The following EXOC4 variants were observed in gnomAD, a reference collection of about 807,000 sequenced individuals.
EXOC4 encodes SEC8-like 1.
In EXOC4, 71 loss-of-function variants were observed where a neutral mutation model predicts 107.2. The ratio of observed to expected loss-of-function variants is 0.66; its 90% CI spans 0.55 to 0.81. The LOEUF (loss-of-function observed/expected upper bound fraction) is 0.81, where lower values mean the gene tolerates loss of function less well. Among genes scored for constraint, EXOC4 ranks in the 30% least tolerant of loss-of-function variants. EXOC4 has a pLI of 0.00. For synonymous variants in EXOC4, 456 were observed against 441.2 expected (o/e 1.03, Z -0.42); for missense variants, 1,108 against 1,189.6 (o/e 0.93, Z 1.01).
Position 133,576,926 on chromosome 7 carries a change from T to G in EXOC4, c.1418-53119T>G, listed in dbSNP as rs148934492. On this transcript the variant is annotated intron_variant, in intron 9 of 17. Coordinates refer to ENST00000253861, the MANE Select transcript of EXOC4 (RefSeq NM_021807.4). ...GTTTGTTCTTGCTTTCCAGATCTCT[T>G]ATTCACTGCATGTGTGTATGTGGGT... The G allele has an allele frequency of 2.3e-3, 2,762 of 1,209,544 alleles. 56 individuals are homozygous for G. The Admixed American group carries it at 0.036, about 16-fold the overall frequency. 74.9% of individuals were successfully genotyped at this position (1,209,544 alleles called of 1,614,324 possible).
At chr7:133,796,205 C>A (rs971585737) in intron 10 of EXOC4, among the ~76,000 whole-genome samples, 1 of 152,128 alleles carries the variant, frequency 6.6e-6, no homozygotes, top group Admixed American at 6.5e-5. Flanking sequence ...TCTTTAAATT[C>A]TTAATAAGCT....
intron 9 of EXOC4, among the ~76,000 whole-genome samples, chr7:133,549,887 A>G (rs1418297884): frequency 6.6e-6 from 1 of 152,166 alleles, no homozygotes; most frequent in Non-Finnish European, 1.5e-5. Flanking sequence ...TGAAAGTATC[A>G]TCTGGCACAC....
chr7:134,029,950 C>G (rs938697363), intron 17 of EXOC4, among the ~76,000 whole-genome samples: 1 of 152,192 alleles, frequency 6.6e-6, no homozygotes, highest in African/African-American at 2.4e-5. Flanking sequence ...TAAACTGTTT[C>G]AATATCTGGA....
intron 7 of EXOC4, among the ~76,000 whole-genome samples, chr7:133,399,793 G>A (rs1338834447): frequency 6.6e-6 from 1 of 152,226 alleles, no homozygotes; most frequent in Non-Finnish European, 1.5e-5. Flanking sequence ...GAGAAACAAA[G>A]AAGAGGGAGT....
rs113597847 is a variant in EXOC4 at position 133,915,233 on chromosome 7, G to GATTC, written c.1872-2318_1872-2315dup. 4.3e-3 allele frequency among the ~76,000 whole-genome samples: 640 copies of GATTC among 150,190 alleles called. 2 individuals are homozygous for GATTC. The highest frequency in any genetic ancestry group is 5.4e-3 in the Admixed American group (81 of 15,114). ...TTGTTAGAGAGGAATGCAGGGAAGA[G>GATTC]ATTCATTCATTCATTCATTCATTCA... is the stretch of plus-strand genomic sequence containing the variant. On this transcript the variant is annotated intron_variant, in intron 12 of 17. Transcript: ENST00000253861.
intron 7 of EXOC4, among the ~76,000 whole-genome samples, chr7:133,432,717 T>C (rs987428955): frequency 1.5e-4 from 23 of 152,244 alleles, no homozygotes; most frequent in African/African-American, 5.5e-4. Context: ...TCTCTTCCAG[T>C]TTCTGCTAAT....
At chr7:134,071,248 C>G (rs1399360584), downstream of EXOC4, among the ~76,000 whole-genome samples, 1 of 152,174 alleles carries the variant, frequency 6.6e-6, no homozygotes, top group Admixed American at 6.5e-5. Context: ...GTAAGTGAGC[C>G]AGCTCTGCCC....
Position 133,915,265 on chromosome 7 carries a change from CA to C in EXOC4, c.1872-2317del, listed in dbSNP as rs570485996. Among the ~76,000 whole-genome samples the C allele has an allele frequency of 2.7e-3, 363 of 136,298 alleles. 5 individuals carry two copies. Among genetic ancestry groups the C allele is most frequent in the African/African-American group, 9.9e-3 (339 of 34,260 alleles). The allele number at this position is 136,298 out of a possible 152,430, so 89.4% of individuals were successfully genotyped here. A position where few individuals can be genotyped will look rare whatever the true frequency, so the allele number is the denominator to read the frequency against. ...TCATTCATTCATTCATTCATTCATT[CA>C]TTTTTAAAATAACAGAGGATTAGGG... is the stretch of plus-strand genomic sequence containing the variant. On this transcript the variant is annotated intron_variant, in intron 12 of 17. Coordinates refer to ENST00000253861, the MANE Select transcript of EXOC4 (RefSeq NM_021807.4).
intron 11 of EXOC4, among the ~76,000 whole-genome samples, chr7:133,866,953 C>T (rs1178976032): frequency 3.3e-5 from 5 of 152,194 alleles, no homozygotes; most frequent in African/African-American, 1.2e-4. Context: ...TGTCCATCGT[C>T]GTCTTTGCTG....
intron 14 of EXOC4, among the ~76,000 whole-genome samples, chr7:133,944,124 T>C (rs1380134797): frequency 1.3e-5 from 2 of 152,196 alleles, no homozygotes; most frequent in African/African-American, 4.8e-5. Flanking sequence ...GAATCAATAT[T>C]GATACATTAT....
chr7:134,064,588 T>C lies in EXOC4; in HGVS notation c.*60T>C. 8.6e-7 allele frequency: 1 copy of C among 1,157,846 alleles called. No individual in the cohort carries two copies. The highest frequency in any genetic ancestry group is 1.2e-6 in the Non-Finnish European group (1 of 811,262). 71.7% of individuals were successfully genotyped at this position (1,157,846 alleles called of 1,614,324 possible). Reference sequence around the variant, plus strand: ...CAGTCACACTCACTTTTTTCCTTGGTATGTTATTGAGTATATTCTGAGCTT... The same window carrying C: ...CAGTCACACTCACTTTTTTCCTTGGCATGTTATTGAGTATATTCTGAGCTT... On this transcript the variant is annotated 3_prime_UTR_variant, in exon 18 of 18. Coordinates refer to ENST00000253861, the MANE Select transcript of EXOC4 (RefSeq NM_021807.4).
At chr7:133,892,941 T>TCCGA (rs1799228236) in intron 11 of EXOC4, among the ~76,000 whole-genome samples, 1 of 87,244 alleles carries the variant, frequency 1.1e-5, no homozygotes, top group Non-Finnish European at 2.0e-5. Flanking sequence ...GTCTATTAGG[T>TCCGA]CTGCTTGGTG....
intron 2 of EXOC4, among the ~76,000 whole-genome samples, chr7:133,281,843 A>G (rs1341681555): frequency 1.3e-5 from 2 of 151,816 alleles, no homozygotes; most frequent in African/African-American, 4.8e-5. Context: ...CTAGGATTAT[A>G]GGTACCCACC....
intron 9 of EXOC4, among the ~76,000 whole-genome samples, chr7:133,570,280 T>TA (rs1800994638): frequency 6.6e-6 from 1 of 152,218 alleles, no homozygotes; most frequent in Non-Finnish European, 1.5e-5. Flanking sequence ...TTGGAGGTCT[T>TA]ACAGTCTCAC....
Position 133,925,730 on chromosome 7 carries a change from C to T in EXOC4, c.2027+7992C>T, listed in dbSNP as rs562388112. On this transcript the variant is annotated intron_variant, in intron 13 of 17. Transcript: ENST00000253861. ...GATAAAGGTCAAGCAATATATAAAA[C>T]CTACAGATTAGTCTTGAAAGATGCA... Among the ~76,000 whole-genome samples, 295 of 152,202 alleles carry T rather than the reference C, an allele frequency of 1.9e-3. 1 individual carries two copies. Among genetic ancestry groups the T allele is most frequent in the African/African-American group, 6.7e-3 (278 of 41,528 alleles).
chr7:133,919,363 A>AT (rs1585248724), intron 13 of EXOC4, among the ~76,000 whole-genome samples: 1 of 152,338 alleles, frequency 6.6e-6, no homozygotes, highest in East Asian at 1.9e-4. Flanking sequence ...TGATGAGCTA[A>AT]TACTGATACA....
intron 11 of EXOC4, among the ~76,000 whole-genome samples, chr7:133,845,254 A>G (rs961864165): frequency 2.6e-5 from 4 of 151,840 alleles, no homozygotes; most frequent in African/African-American, 9.7e-5. Flanking sequence ...TTTACTACAA[A>G]TGGCCCACTG....
At chr7:133,670,217 G>A (rs1161318121) in intron 10 of EXOC4, among the ~76,000 whole-genome samples, 1 of 152,138 alleles carries the variant, frequency 6.6e-6, no homozygotes, top group African/African-American at 2.4e-5. Context: ...AGAGTCTTTG[G>A]GGTTGTGCTT....
At chr7:134,054,579 G>A (rs576843636) in intron 17 of EXOC4, among the ~76,000 whole-genome samples, 19 of 152,254 alleles carry the variant, frequency 1.2e-4, no homozygotes, top group African/African-American at 3.9e-4. Flanking sequence ...TATTAAGTGA[G>A]ATCAGTTCTA....
Sources: gnomAD v4.1 joint callset for allele counts (sites outside exome capture counted in the v4.1 genomes callset) on GRCh38, gnomAD v4.1.1 for gene constraint, MANE v1.5 for transcripts, NCBI Gene and HGNC (gene_info 2026-07-23, HGNC 2026-07-21) for gene names.